The following FHIT variants were observed in gnomAD, a reference collection of about 807,000 sequenced individuals.
FHIT encodes the protein bis(5'-adenosyl)-triphosphatase.
Under a neutral mutation model 17.9 loss-of-function variants are expected in FHIT, and 19 were observed. The ratio of observed to expected loss-of-function variants is 1.06; its 90% confidence interval spans 0.74 to 1.56. The LOEUF is 1.56. Among genes scored for constraint, FHIT ranks in the 40% most tolerant of loss-of-function variants. The pLI, the probability that FHIT is intolerant of heterozygous loss-of-function variation, is 0.00. For synonymous variants in FHIT, 81 were observed against 69.7 expected, an observed-to-expected ratio of 1.16 and a Z score of -0.81; for missense variants, 248 against 189.2, an observed-to-expected ratio of 1.31 and a Z score of -1.82.
At chr3:60,883,094 A>C (rs1575640052) in intron 3 of FHIT, among the ~76,000 whole-genome samples, 1 of 152,120 alleles carries the variant, frequency 6.6e-6, no homozygotes, top group African/African-American at 2.4e-5. Context: ...AAATAAAGCA[A>C]GAAAGCAACC....
rs868150288 is a variant in FHIT, at chr3:59,993,268, C to T, written c.279+18103G>A. On this transcript the variant is annotated intron_variant, in intron 7 of 9. Coordinates refer to ENST00000492590, the MANE Select transcript of FHIT (RefSeq NM_002012.4). ...TCCTGCTCTTCCTACAGAATTGCAACCCCGGAAAGAGAGGTACTGAGTCTC... is the reference window on the plus strand; with the variant it reads ...TCCTGCTCTTCCTACAGAATTGCAATCCCGGAAAGAGAGGTACTGAGTCTC... Among the ~76,000 whole-genome samples the T allele has an allele frequency of 8.5e-5, 13 of 152,158 alleles. 1 individual carries two copies. In the Middle Eastern group the frequency reaches 0.01, roughly 119 times the overall value.
chr3:60,459,272 G>A (rs905772535), intron 5 of FHIT, among the ~76,000 whole-genome samples: 3 of 152,090 alleles, frequency 2.0e-5, no homozygotes, highest in African/African-American at 7.2e-5. Context: ...AGTTTCCAAG[G>A]TGATTCTAAT....
At chr3:60,130,485 T>A (rs956894285) in intron 5 of FHIT, among the ~76,000 whole-genome samples, 2 of 152,036 alleles carry the variant, frequency 1.3e-5, no homozygotes, top group Non-Finnish European at 2.9e-5. Context: ...CCTGATGGGA[T>A]ATGGATGTAA....
At chr3:60,927,699 C>A (rs1553770399) in intron 3 of FHIT, among the ~76,000 whole-genome samples, 2 of 151,160 alleles carry the variant, frequency 1.3e-5, no homozygotes, top group South Asian at 4.2e-4. Context: ...GGGGAGCACC[C>A]CCGCCCGGCA....
At chr3:60,198,621 C>T (rs1255259822) in intron 5 of FHIT, among the ~76,000 whole-genome samples, 3 of 152,116 alleles carry the variant, frequency 2.0e-5, no homozygotes. Context: ...TGAGGATGTT[C>T]TTCCCTTTGG....
chr3:60,935,430 G>T (rs1553772833), intron 3 of FHIT, among the ~76,000 whole-genome samples: 1 of 152,208 alleles, frequency 6.6e-6, no homozygotes, highest in Admixed American at 6.5e-5. Context: ...TATGACATGT[G>T]TTCCAAATAA....
intron 8 of FHIT, among the ~76,000 whole-genome samples, chr3:59,821,678 CATGTGCCAGCCACCAAAGCATCT>C (rs1559635653): frequency 6.6e-6 from 1 of 152,180 alleles, no homozygotes; most frequent in East Asian, 1.9e-4. Flanking sequence ...GATGCCCCAC[CATGTGCCAGCCACCAAAGCATCT>C]AGTGCCAAGA....
intron 5 of FHIT, among the ~76,000 whole-genome samples, chr3:60,057,140 T>C (rs1041330482): frequency 1.3e-5 from 2 of 152,174 alleles, no homozygotes; most frequent in African/African-American, 2.4e-5. Context: ...ATTCACTTTG[T>C]GAACACCTAC....
chr3:60,358,478 G>A (rs947597069), intron 5 of FHIT, among the ~76,000 whole-genome samples: 3 of 152,192 alleles, frequency 2.0e-5, no homozygotes, highest in Non-Finnish European at 4.4e-5. Context: ...AAAGATCTCA[G>A]GTGTTCCTTA....
chr3:59,764,864 AC>A (rs1159073363), intron 8 of FHIT, among the ~76,000 whole-genome samples: 2 of 132 alleles, frequency 0.015, no homozygotes, highest in Non-Finnish European at 0.034. Flanking sequence ...GCAACTGCAA[AC>A]ACACACACAC....
chr3:60,442,359 C>T (rs1189205919), intron 5 of FHIT, among the ~76,000 whole-genome samples: 5 of 152,112 alleles, frequency 3.3e-5, no homozygotes, highest in African/African-American at 1.2e-4. Flanking sequence ...TGCCTATGTC[C>T]TGAATGGTAT....
chr3:60,274,872 A>G (rs1283897018), intron 5 of FHIT, among the ~76,000 whole-genome samples: 1 of 152,174 alleles, frequency 6.6e-6, no homozygotes, highest in Non-Finnish European at 1.5e-5. Flanking sequence ...TAGCATGGAT[A>G]ATTGCAATAG....
At chr3:60,166,857 G>A (rs146481585) in intron 5 of FHIT, among the ~76,000 whole-genome samples, 2,600 of 152,274 alleles carry the variant, frequency 0.017, 43 homozygotes, top group Non-Finnish European at 0.028. Flanking sequence ...GTGAGAAGGA[G>A]AGAATAGGAA....
At chr3:60,706,370 G>C (rs549840765) in intron 4 of FHIT, among the ~76,000 whole-genome samples, 4 of 152,132 alleles carry the variant, frequency 2.6e-5, no homozygotes, top group African/African-American at 9.6e-5. Flanking sequence ...AAACCTGCAC[G>C]TTCTGCACAT....
chr3:60,882,087 C>T (rs868925908), intron 3 of FHIT, among the ~76,000 whole-genome samples: 9 of 151,902 alleles, frequency 5.9e-5, no homozygotes, highest in Non-Finnish European at 8.8e-5. Flanking sequence ...TACAAAAGAT[C>T]ATTAGAGACT....
Position 60,887,904 on chromosome 3 carries a change from A to T in FHIT, c.-110-65893T>A, listed in dbSNP as rs542583831. 2.8e-4 allele frequency among the ~76,000 whole-genome samples: 43 copies of T among 151,698 alleles called. No homozygotes were observed. The South Asian group carries it at 8.5e-3, about 30-fold the overall frequency. ...ATTTCCCTTACAAATGTTGATTGATAAACATGAACGTCTATATGGAAAATA... is the reference window on the plus strand; with the variant it reads ...ATTTCCCTTACAAATGTTGATTGATTAACATGAACGTCTATATGGAAAATA... On this transcript the variant is annotated intron_variant, in intron 3 of 9. Coordinates refer to ENST00000492590, the MANE Select transcript of FHIT (RefSeq NM_002012.4).
chr3:60,687,181 A>C (rs2040878870), intron 4 of FHIT, among the ~76,000 whole-genome samples: 2 of 152,216 alleles, frequency 1.3e-5, no homozygotes, highest in Admixed American at 6.5e-5. Context: ...TCATTAAATA[A>C]ATATTATTTG....
chr3:60,164,151 T>TA (rs1362655026), intron 5 of FHIT, among the ~76,000 whole-genome samples: 1 of 152,114 alleles, frequency 6.6e-6, no homozygotes, highest in African/African-American at 2.4e-5. Flanking sequence ...CTTTTTTGAA[T>TA]AAAAAATAAT....
At chr3:60,920,673 T>A (rs900669103) in intron 3 of FHIT, among the ~76,000 whole-genome samples, 2 of 152,014 alleles carry the variant, frequency 1.3e-5, no homozygotes, top group Non-Finnish European at 2.9e-5. Context: ...ACGATCAACA[T>A]GTGGAAGAGT....
Sources: allele counts gnomAD v4.1 joint callset (sites outside exome capture counted in the v4.1 genomes callset), GRCh38; gene constraint gnomAD v4.1.1; transcripts MANE v1.5; gene names NCBI Gene and HGNC (gene_info 2026-07-23, HGNC 2026-07-21).